The following LPAR6 variants were observed in gnomAD, a reference collection of about 807,000 sequenced individuals.
LPAR6 encodes the protein lysophosphatidic acid receptor 6, also known as G-protein coupled purinergic receptor P2Y5.
A neutral mutation model predicts 22.0 loss-of-function variants in LPAR6; 17 were observed. The ratio of observed to expected loss-of-function variants is 0.77; its 90% CI spans 0.53 to 1.16. LPAR6 has a LOEUF of 1.16. Ranked by LOEUF, LPAR6 falls within the 50% of genes most tolerant of loss-of-function variation. The pLI, the probability that LPAR6 is intolerant of heterozygous loss-of-function variation, is 0.00. For missense variants in LPAR6, 384 were observed against 406.9 expected (o/e 0.94, Z 0.48); for synonymous variants, 136 against 139.8 (o/e 0.97, Z 0.19).
downstream of LPAR6, among the ~76,000 whole-genome samples, chr13:48,407,309 A>AT (rs1199954686): frequency 6.6e-6 from 1 of 152,144 alleles, no homozygotes; most frequent in African/African-American, 2.4e-5. Context: ...GAAAGAGGTA[A>AT]TTTTCTACCC....
chr13:48,418,781 AAAG>A (rs780106108), intron 2 of LPAR6, among the ~76,000 whole-genome samples: 3 of 152,206 alleles, frequency 2.0e-5, no homozygotes, highest in Non-Finnish European at 4.4e-5. Context: ...GAAGATCAAA[AAAG>A]ACAAGAAGGG....
chr13:48,406,543 A>G (rs1056146381), downstream of LPAR6: 1 of 152,188 alleles, frequency 6.6e-6, no homozygotes, highest in African/African-American at 2.4e-5. Context: ...TTATTTGATC[A>G]TGTCTCCCCT....
intron 1 of LPAR6, among the ~76,000 whole-genome samples, chr13:48,398,912 A>C (rs1414018688): frequency 6.6e-6 from 1 of 152,132 alleles, no homozygotes; most frequent in Non-Finnish European, 1.5e-5. Flanking sequence ...GGGAAAAGTA[A>C]CATTTGTTGA....
chr13:48,431,179 A>T (rs1949126082), upstream of LPAR6, among the ~76,000 whole-genome samples: 1 of 152,188 alleles, frequency 6.6e-6, no homozygotes, highest in South Asian at 2.1e-4. Context: ...TGGGAGATGC[A>T]TCTAAACAAG....
intron 1 of LPAR6, chr13:48,439,789 GT>G (rs1254190498): frequency 6.6e-6 from 1 of 152,086 alleles, no homozygotes; most frequent in Non-Finnish European, 1.5e-5. Flanking sequence ...TTTGGGGAAG[GT>G]TTGAAAGAAG....
chr13:48,403,431 A>T (rs198611), intron 1 of LPAR6, among the ~76,000 whole-genome samples: 138,857 of 152,014 alleles, frequency 0.91, 64,314 homozygotes, highest in East Asian at 1. Context: ...GAGTTGATTC[A>T]TTTTTTTAGT....
upstream of LPAR6, among the ~76,000 whole-genome samples, chr13:48,417,696 C>G (rs1180929078): frequency 1.0e-5 from 1 of 95,522 alleles, no homozygotes; most frequent in African/African-American, 3.3e-5. Context: ...CATAAATGAC[C>G]TGATGGAGCT....
intron 1 of LPAR6, among the ~76,000 whole-genome samples, chr13:48,390,155 A>T (rs2138157386): frequency 6.6e-6 from 1 of 152,310 alleles, no homozygotes; most frequent in South Asian, 2.1e-4. Context: ...TCAAAAACAA[A>T]CAAAACAAGC....
chr13:48,418,456 T>A (rs1047592146), intron 2 of LPAR6, among the ~76,000 whole-genome samples: 1 of 151,850 alleles, frequency 6.6e-6, no homozygotes, highest in Non-Finnish European at 1.5e-5. Flanking sequence ...ATTGACACTA[T>A]GAAGAAACTA....
At chr13:48,410,116 C>T (rs1243865046), downstream of LPAR6, among the ~76,000 whole-genome samples, 4 of 152,108 alleles carry the variant, frequency 2.6e-5, no homozygotes, top group African/African-American at 4.8e-5. Context: ...ATGTTTTGAA[C>T]TTCCCAATAT....
intron 1 of LPAR6, among the ~76,000 whole-genome samples, chr13:48,400,480 C>T (rs1305186794): frequency 1.3e-5 from 2 of 152,088 alleles, no homozygotes; most frequent in African/African-American, 2.4e-5. Context: ...TGTCATGATT[C>T]GTTTATTTGC....
chr13:48,435,515 A>T (rs1325137410), intron 1 of LPAR6, among the ~76,000 whole-genome samples: 1 of 152,042 alleles, frequency 6.6e-6, no homozygotes, highest in Non-Finnish European at 1.5e-5. Context: ...CTTGGCCTGT[A>T]GCTTCTTTCT....
Position 48,411,995 on chromosome 13 carries a change from A to G in LPAR6, c.429T>C (p.Thr143=), listed in dbSNP as rs1566212270. 6.2e-7 allele frequency: 1 copy of G among 1,608,740 alleles called. No individual in the cohort carries two copies. Among genetic ancestry groups the G allele is most frequent in the Non-Finnish European group, 8.5e-7 (1 of 1,177,136 alleles). The change falls in exon 1 of 1, where the codon ACT becomes ACC. Residue 143 remains threonine (T), a synonymous_variant. Transcript: ENST00000620633. ...CGGCGGGTGCACTTCCTCCGATCAC[A>G]GTTAACCACACGCCAGTGCAAACAA... The part of the protein sequence containing the change: ...AKIVCTGVWL[T]VIGGSAPAVF...
chr13:48,400,493 A>G (rs1948682297), intron 1 of LPAR6, among the ~76,000 whole-genome samples: 1 of 152,000 alleles, frequency 6.6e-6, no homozygotes, highest in Non-Finnish European at 1.5e-5. Context: ...TTATTTGCTC[A>G]TGTTTTATCT....
intron 1 of LPAR6, among the ~76,000 whole-genome samples, chr13:48,391,800 G>C (rs892214369): frequency 6.6e-6 from 1 of 151,874 alleles, no homozygotes; most frequent in African/African-American, 2.4e-5. Context: ...TATATTTTTA[G>C]TAGAGAAAGG....
At chr13:48,394,186 A>G (rs1427514947) in intron 1 of LPAR6, among the ~76,000 whole-genome samples, 1 of 152,194 alleles carries the variant, frequency 6.6e-6, no homozygotes, top group Admixed American at 6.5e-5. Context: ...GGAAGCTGTG[A>G]CAGACTGTGT....
chr13:48,405,559 A>G (rs1285862943), intron 1 of LPAR6, among the ~76,000 whole-genome samples: 1 of 152,190 alleles, frequency 6.6e-6, no homozygotes, highest in African/African-American at 2.4e-5. Context: ...CGCTTTATTC[A>G]TTTATATATT....
At chr13:48,404,111 T>G (rs71432983) in intron 1 of LPAR6, 2 of 152,320 alleles carry the variant, frequency 1.3e-5, no homozygotes, top group Admixed American at 1.3e-4. Context: ...TGAAGCCCCA[T>G]GCTGTTGTGC....
chr13:48,389,865 G>A (rs1423038289), intron 1 of LPAR6: 4 of 152,298 alleles, frequency 2.6e-5, no homozygotes, highest in Non-Finnish European at 5.9e-5. Context: ...TTAAGAAACA[G>A]GATATTTGGC....
Sources: allele counts gnomAD v4.1 joint callset (sites outside exome capture counted in the v4.1 genomes callset), GRCh38; gene constraint gnomAD v4.1.1; transcripts MANE v1.5; gene names NCBI Gene and HGNC (gene_info 2026-07-23, HGNC 2026-07-21).